The following XXYLT1 variants were observed in gnomAD, a reference collection of about 807,000 sequenced individuals.
XXYLT1 encodes the protein UDP-xylose:alpha-xyloside alpha-1,3-xylosyltransferase.
XXYLT1 carries 20 observed loss-of-function variants against 28.9 expected under a neutral mutation model. The observed-to-expected ratio is 0.69, with a 90% CI of 0.49 to 1.00. The LOEUF is 1.00. Among genes scored for constraint, XXYLT1 ranks in the 50% least tolerant of loss-of-function variants. The pLI, the probability that XXYLT1 is intolerant of heterozygous loss-of-function variation, is 0.00. For missense variants in XXYLT1, 542 were observed against 560.1 expected (o/e 0.97, Z 0.33); for synonymous variants, 257 against 253.8 (o/e 1.01, Z -0.12).
chr3:195,110,366 C>CGT (rs1717540759), intron 3 of XXYLT1, among the ~76,000 whole-genome samples: 4 of 3,204 alleles, frequency 1.2e-3, no homozygotes, highest in South Asian at 0.01. Flanking sequence ...TATGTGCGTG[C>CGT]GTGTGTGCTG....
At chr3:195,107,360 G>C (rs2108685282) in intron 3 of XXYLT1, among the ~76,000 whole-genome samples, 2 of 149,928 alleles carry the variant, frequency 1.3e-5, no homozygotes, top group South Asian at 4.3e-4. Flanking sequence ...TGTAATCCCA[G>C]CTACTCAGGA....
chr3:195,081,241 G>T (rs918736845), intron 3 of XXYLT1, among the ~76,000 whole-genome samples: 3 of 151,882 alleles, frequency 2.0e-5, no homozygotes, highest in Non-Finnish European at 4.4e-5. Context: ...GCGTTTTTAT[G>T]ATTTTTATAA....
chr3:195,161,868 T>C (rs1720890015), intron 2 of XXYLT1, among the ~76,000 whole-genome samples: 1 of 152,076 alleles, frequency 6.6e-6, no homozygotes, highest in African/African-American at 2.4e-5. Flanking sequence ...TCCGCCCACC[T>C]TGGCCTCCCA....
chr3:195,241,500 G>T (rs921983538), intron 1 of XXYLT1, among the ~76,000 whole-genome samples: 1 of 152,108 alleles, frequency 6.6e-6, no homozygotes, highest in African/African-American at 2.4e-5. Flanking sequence ...GAGGAAAAAT[G>T]ACTTTCTGGG....
At chr3:195,174,141 T>C (rs1478360709) in intron 2 of XXYLT1, among the ~76,000 whole-genome samples, 1 of 152,162 alleles carries the variant, frequency 6.6e-6, no homozygotes. Flanking sequence ...GCCTTGCTAC[T>C]GGCAATCAGG....
At chr3:195,207,981 A>C (rs1313520637) in intron 2 of XXYLT1, among the ~76,000 whole-genome samples, 5 of 152,234 alleles carry the variant, frequency 3.3e-5, no homozygotes, top group African/African-American at 1.2e-4. Context: ...AAAGTGCCCA[A>C]GACAGAAGCA....
At chr3:195,269,165 C>A (rs1725938299) in intron 1 of XXYLT1, among the ~76,000 whole-genome samples, 1 of 152,168 alleles carries the variant, frequency 6.6e-6, no homozygotes, top group Non-Finnish European at 1.5e-5. Flanking sequence ...CAGAGTAGGC[C>A]CAGAAGAGAT....
At chr3:195,248,645 C>A (rs1725131247) in intron 1 of XXYLT1, among the ~76,000 whole-genome samples, 2 of 152,214 alleles carry the variant, frequency 1.3e-5, no homozygotes, top group African/African-American at 4.8e-5. Flanking sequence ...TGGCCAGGCG[C>A]AGTGGCTCAC....
intron 3 of XXYLT1, among the ~76,000 whole-genome samples, chr3:195,151,598 AAAT>A (rs1474181521): frequency 5.3e-5 from 8 of 152,264 alleles, no homozygotes; most frequent in African/African-American, 1.9e-4. Flanking sequence ...TATTTAGTAT[AAAT>A]AATTGTTTAG....
intron 2 of XXYLT1, among the ~76,000 whole-genome samples, chr3:195,214,292 T>C (rs982959696): frequency 1.4e-4 from 21 of 152,146 alleles, no homozygotes; most frequent in Admixed American, 8.5e-4. Flanking sequence ...GGTCCTGGAA[T>C]CACATTCTAT....
chr3:195,119,059 C>T (rs1196899539), intron 3 of XXYLT1, among the ~76,000 whole-genome samples: 2 of 151,724 alleles, frequency 1.3e-5, no homozygotes, highest in South Asian at 2.1e-4. Flanking sequence ...GGGTGGATCA[C>T]GAGGTCAGGA....
intron 2 of XXYLT1, among the ~76,000 whole-genome samples, chr3:195,223,911 C>T (rs1158025797): frequency 6.6e-6 from 1 of 152,146 alleles, no homozygotes; most frequent in Non-Finnish European, 1.5e-5. Context: ...AATCCCAGCA[C>T]TTTGGGAGGC....
At chr3:195,130,906 G>T (rs998218350) in intron 3 of XXYLT1, among the ~76,000 whole-genome samples, 1 of 152,020 alleles carries the variant, frequency 6.6e-6, no homozygotes, top group Admixed American at 6.5e-5. Flanking sequence ...TGTCCCATAC[G>T]CTCCGAAAAA....
intron 3 of XXYLT1, among the ~76,000 whole-genome samples, chr3:195,119,925 G>C (rs1228083397): frequency 6.6e-6 from 1 of 151,428 alleles, no homozygotes; most frequent in South Asian, 2.1e-4. Flanking sequence ...GGGAGGTCAG[G>C]GGCTGGGCGG....
intron 2 of XXYLT1, among the ~76,000 whole-genome samples, chr3:195,179,742 C>T (rs1024551835): frequency 3.9e-5 from 6 of 152,048 alleles, no homozygotes; most frequent in Admixed American, 6.6e-5. Flanking sequence ...TCAATTTCAT[C>T]CTGCCCATGA....
At chr3:195,175,807 A>C in intron 2 of XXYLT1, 1 of 1,445,262 alleles carries the variant, frequency 6.9e-7, no homozygotes, top group South Asian at 1.4e-5. Context: ...TCGTTACAGG[A>C]TGGAAGTGGC....
At position 195,256,593 on chromosome 3, in the gene XXYLT1, G is replaced by T. The variant is rs538951141; in HGVS notation, c.504+13962C>A. 1.0e-5 allele frequency: 10 copies of T among 985,064 alleles called. No homozygotes were observed. In the South Asian group the frequency reaches 4.7e-4, roughly 46 times the overall value. 61.0% of individuals were successfully genotyped at this position (985,064 alleles called of 1,614,324 possible). A position where few individuals can be genotyped will look rare whatever the true frequency, so the allele number is the denominator to read the frequency against. On this transcript the variant is annotated intron_variant, in intron 1 of 3. Transcript: ENST00000310380. This position sits in a 1 kb window ranked among gnomAD's most constrained non-coding sequence, Gnocchi z 4.2. ...TTCTCACCCGCACATTCAGGATGGG[G>T]TCTGGAAAGGGCATGAGCTCTGTAA...
chr3:195,159,770 G>T (rs957010059), intron 2 of XXYLT1, among the ~76,000 whole-genome samples: 6 of 152,098 alleles, frequency 3.9e-5, no homozygotes, highest in African/African-American at 1.4e-4. Context: ...CGATGCTTCC[G>T]TACAATTACA....
Position 195,270,583 on chromosome 3 carries a change from A to G in XXYLT1, c.476T>C (p.Leu159Pro). 1 of 1,382,288 alleles carries G rather than the reference A, an allele frequency of 7.2e-7. No homozygotes were observed. The highest frequency in any genetic ancestry group is 9.3e-7 in the Non-Finnish European group (1 of 1,070,318). The allele number at this position is 1,382,288 out of a possible 1,614,324, so 85.6% of individuals were successfully genotyped here. A position where few individuals can be genotyped will look rare whatever the true frequency, so the allele number is the denominator to read the frequency against. Residue 159 changes from leucine to proline, a missense_variant, in exon 1 of 4, where the codon CTG becomes CCG. Coordinates refer to ENST00000310380, the MANE Select transcript of XXYLT1 (RefSeq NM_152531.5). ...GCACTTGAAGCCAGCGGCGGGCGGC[A>G]GGAGCTCCCGCAGCAGGCCCTTGGC... ...EVAKGLLREL[L>P]PPAAGFKCKV...
Sources: allele counts gnomAD v4.1 joint callset (sites outside exome capture counted in the v4.1 genomes callset), GRCh38; gene constraint gnomAD v4.1.1; non-coding constraint Gnocchi (gnomAD v3.1); transcripts MANE v1.5; gene names NCBI Gene and HGNC (gene_info 2026-07-23, HGNC 2026-07-21).